ELOA: variants seen among roughly 807,000 people sequenced by gnomAD.
ELOA encodes elongin A.
A neutral mutation model predicts 85.2 loss-of-function variants in ELOA; 15 were observed. The ratio of observed to expected loss-of-function variants is 0.18; its 90% CI spans 0.12 to 0.27. The LOEUF (loss-of-function observed/expected upper bound fraction) is 0.27. ELOA is among the 10% of genes least tolerant of loss of function. The probability of loss-of-function intolerance (pLI) is 1.00; values close to 1 mark genes in which losing one functional copy is unlikely to be tolerated. For missense variants in ELOA, 769 were observed against 952.7 expected, an observed-to-expected ratio of 0.81 and a Z score of 2.54; for synonymous variants, 348 against 357.2, an observed-to-expected ratio of 0.97 and a Z score of 0.29.
At position 23,756,299 on chromosome 1, in the gene ELOA, C is replaced by T. The variant is rs1196093857; in HGVS notation, c.1998C>T (p.Val666=). The change falls in exon 9 of 11, where the codon GTC becomes GTT. Residue 666 remains valine (V), a synonymous_variant. Coordinates refer to ENST00000613537, the MANE Select transcript of ELOA (RefSeq NM_003198.3). ...PKGRQAKMAF[V]NSVAKPPRDV... ...GCCGACAAGCAAAGATGGCCTTTGTCAACTCTGTGGCCAAGCCACCTCGTG... is the reference window on the plus strand; with the variant it reads ...GCCGACAAGCAAAGATGGCCTTTGTTAACTCTGTGGCCAAGCCACCTCGTG... 1.3e-6 allele frequency: 2 copies of T among 1,569,154 alleles called. No individual in the cohort carries two copies.
intron 1 of ELOA, among the ~76,000 whole-genome samples, chr1:23,747,629 C>A (rs1644752784): frequency 6.6e-6 from 1 of 152,148 alleles, no homozygotes; most frequent in Non-Finnish European, 1.5e-5. Context: ...GCACCCATAG[C>A]TTGGGTGGCA....
At chr1:23,759,391 T>C (rs1638260213) in intron 10 of ELOA, 121 bp from the exon 11 acceptor site, 1 of 910,020 alleles carries the variant, frequency 1.1e-6, no homozygotes, top group Non-Finnish European at 1.8e-6. Flanking sequence ...TAGTTACTAC[T>C]TGTATCTCTG....
rs888581345 is a variant in ELOA at position 23,761,814 on chromosome 1, C to T, written c.*2241C>T. On this transcript the variant is annotated 3_prime_UTR_variant, in exon 11 of 11. Transcript: ENST00000613537. ...TTTCTGTGCTACACTACATACAAAT[C>T]ACCAAATTACAAATTACCCTTTTGT... 1 of 152,144 alleles carries T rather than the reference C, an allele frequency of 6.6e-6. No individual in the cohort carries two copies. The highest frequency in any genetic ancestry group is 1.5e-5 in the Non-Finnish European group (1 of 68,018). The allele number at this position is 152,144 out of a possible 1,614,324, so 9.4% of individuals were successfully genotyped here.
At chr1:23,743,684 A>T (rs1394225272) in intron 1 of ELOA, 106 bp downstream of exon 1, 6 of 1,286,242 alleles carry the variant, frequency 4.7e-6, no homozygotes, top group Non-Finnish European at 6.0e-6. Flanking sequence ...ACCCTGAGCC[A>T]GGCCCCGCGG....
chr1:23,746,936 G>C (rs545314370), intron 1 of ELOA, among the ~76,000 whole-genome samples: 2 of 152,308 alleles, frequency 1.3e-5, no homozygotes, highest in South Asian at 4.1e-4. Context: ...TAGAGGGGTT[G>C]TGAAGTCCTT....
intron 6 of ELOA, 38 bp downstream of exon 6, chr1:23,754,293 G>A (rs1310106963): frequency 1.9e-6 from 3 of 1,612,658 alleles, no homozygotes; most frequent in Non-Finnish European, 2.5e-6. Flanking sequence ...CAAGCACATT[G>A]TAGCACTTGG....
chr1:23,752,081 C>G (rs770550775), intron 4 of ELOA, 51 bp downstream of exon 4: 2 of 1,507,922 alleles, frequency 1.3e-6, no homozygotes, highest in South Asian at 1.3e-5. Flanking sequence ...CCTGGCCCTG[C>G]AGAGCTCAGA....
At position 23,752,387 on chromosome 1, in the gene ELOA, C is replaced by G. The variant is rs747489897; in HGVS notation, c.1426-20C>G. 6.2e-7 allele frequency: 1 copy of G among 1,609,956 alleles called. No homozygotes were observed. The highest frequency in any genetic ancestry group is 8.5e-7 in the Non-Finnish European group (1 of 1,176,840). On this transcript the variant is annotated intron_variant, in intron 4 of 10. Coordinates refer to ENST00000613537, the MANE Select transcript of ELOA (RefSeq NM_003198.3). ...TGCTTCTACTCACTGACTCTCCACC[C>G]ATGGGTCTGTCCCCTGCAGGTGCCT...
Position 23,755,840 on chromosome 1 carries a change from C to T in ELOA, c.1792-3C>T, listed in dbSNP as rs765775123. 6.3e-7 allele frequency: 1 copy of T among 1,588,356 alleles called. No homozygotes were observed. Among genetic ancestry groups the T allele is most frequent in the African/African-American group, 1.4e-5 (1 of 72,686 alleles). On this transcript the variant is annotated splice_polypyrimidine_tract_variant and splice_region_variant and intron_variant, in intron 7 of 10. Transcript: ENST00000613537. ...ACAAATGATGTCCTGGTTCTGGTTT[C>T]AGGTATTAATTGAAGAAACAGATCA... is the stretch of plus-strand genomic sequence containing the variant.
At chr1:23,748,591 T>TA (rs1644756580) in intron 1 of ELOA, among the ~76,000 whole-genome samples, 1 of 152,248 alleles carries the variant, frequency 6.6e-6, no homozygotes, top group African/African-American at 2.4e-5. Flanking sequence ...TCTTTTCCTG[T>TA]AGAGGCCTTT....
intron 3 of ELOA, among the ~76,000 whole-genome samples, chr1:23,750,201 A>T (rs1195484263): frequency 2.4e-5 from 3 of 126,422 alleles, no homozygotes; most frequent in Non-Finnish European, 4.8e-5. Context: ...TTTGAGACAG[A>T]GTCTCGCTCT....
At position 23,761,472 on chromosome 1, in the gene ELOA, A is replaced by T. The variant is rs1638292193; in HGVS notation, c.*1899A>T. 6.6e-6 allele frequency: 1 copy of T among 152,172 alleles called. No individual in the cohort carries two copies. Among genetic ancestry groups the T allele is most frequent in the Non-Finnish European group, 1.5e-5 (1 of 68,036 alleles). The allele number at this position is 152,172 out of a possible 1,614,324, so 9.4% of individuals were successfully genotyped here. A position where few individuals can be genotyped will look rare whatever the true frequency, so the allele number is the denominator to read the frequency against. ...AGTTGTGTATGATTTAATGTCCCTT[A>T]TTAGGAGTCTTTAGGCAGGGAGGGA... On this transcript the variant is annotated 3_prime_UTR_variant, in exon 11 of 11. Coordinates refer to ENST00000613537, the MANE Select transcript of ELOA (RefSeq NM_003198.3).
chr1:23,755,604 A>G (rs1213675353), intron 7 of ELOA, among the ~76,000 whole-genome samples: 2 of 152,084 alleles, frequency 1.3e-5, no homozygotes, highest in African/African-American at 2.4e-5. Context: ...CAACATGGCA[A>G]AACCCCATCT....
chr1:23,761,590 C>T lies in ELOA; in HGVS notation c.*2017C>T, dbSNP rs561324308. ...CTGTTTGCATAGAGCCAGATGTTTTCCCCTCCCCCAAGAGTATCTACATCA... is the reference window on the plus strand; with the variant it reads ...CTGTTTGCATAGAGCCAGATGTTTTTCCCTCCCCCAAGAGTATCTACATCA... On this transcript the variant is annotated 3_prime_UTR_variant, in exon 11 of 11. Coordinates refer to ENST00000613537, the MANE Select transcript of ELOA (RefSeq NM_003198.3). 1 of 152,188 alleles carries T rather than the reference C, an allele frequency of 6.6e-6. No homozygotes were observed. The highest frequency in any genetic ancestry group is 2.4e-5 in the African/African-American group (1 of 41,532). 9.4% of individuals were successfully genotyped at this position (152,188 alleles called of 1,614,324 possible).
rs1644761102 is a variant in ELOA at position 23,749,872 on chromosome 1, T to C, written c.163T>C (p.Leu55=). Residue 55 remains leucine (L), a synonymous_variant, in exon 3 of 11, where the codon TTG becomes CTG. Transcript: ENST00000613537. Reference sequence around the variant, plus strand: ...TGGGGTTGGGAAAACAGTAAATAGCTTGCGAAAACACGAGCATGTTGGAAG... The same window carrying C: ...TGGGGTTGGGAAAACAGTAAATAGCCTGCGAAAACACGAGCATGTTGGAAG... ...ETGVGKTVNS[L]RKHEHVGSFA... 1 of 1,613,962 alleles carries C rather than the reference T, an allele frequency of 6.2e-7. No individual in the cohort carries two copies. Among genetic ancestry groups the C allele is most frequent in the African/African-American group, 1.3e-5 (1 of 75,034 alleles).
intron 1 of ELOA, among the ~76,000 whole-genome samples, chr1:23,746,424 A>G (rs925057771): frequency 6.6e-6 from 1 of 151,816 alleles, no homozygotes; most frequent in Non-Finnish European, 1.5e-5. Context: ...CCTGGCCAAC[A>G]TGATGAAACC....
At chr1:23,749,222 T>C (rs913464516) in intron 2 of ELOA, 145 bp downstream of exon 2, 5 of 736,540 alleles carry the variant, frequency 6.8e-6, no homozygotes, top group Non-Finnish European at 9.1e-6. Context: ...ATTCCATTTA[T>C]ATGAAATGTC....
chr1:23,756,457 A>C (rs964185832), intron 9 of ELOA, 72 bp downstream of exon 9: 27 of 1,401,522 alleles, frequency 1.9e-5, no homozygotes, highest in Admixed American at 6.4e-5. Flanking sequence ...GCAGGAAGCA[A>C]ATTGCTTTTG....
At chr1:23,750,170 C>CTTTTTTTTTTTTTTTT (rs747972246) in intron 3 of ELOA, among the ~76,000 whole-genome samples, 1 of 90,536 alleles carries the variant, frequency 1.1e-5, no homozygotes, top group Non-Finnish European at 2.1e-5. Context: ...TGGTACGTTT[C>CTTTTTTTTTTTTTTTT]TTTTTTTTTT....
Sources: allele counts gnomAD v4.1 joint callset (sites outside exome capture counted in the v4.1 genomes callset), GRCh38; gene constraint gnomAD v4.1.1; transcripts MANE v1.5; gene names NCBI Gene and HGNC (gene_info 2026-07-23, HGNC 2026-07-21).